Variants in REEP1 observed in about 807,000 individuals in gnomAD.
REEP1 encodes receptor accessory protein 1.
In REEP1, 22 loss-of-function variants were observed where a neutral mutation model predicts 40.3. The observed-to-expected ratio is 0.55, with a 90% CI of 0.39 to 0.78. REEP1 has a LOEUF of 0.78. Ranked by LOEUF, REEP1 falls within the 30% of genes least tolerant of loss-of-function variation. The pLI, the probability that REEP1 is intolerant of heterozygous loss-of-function variation, is 0.00. For missense variants in REEP1, 280 were observed against 361.1 expected (o/e 0.78, Z 1.82); for synonymous variants, 116 against 139.2 (o/e 0.83, Z 1.17).
intron 2 of REEP1, among the ~76,000 whole-genome samples, chr2:86,274,728 A>T (rs1417939792): frequency 2.6e-5 from 4 of 152,158 alleles, no homozygotes; most frequent in Non-Finnish European, 5.9e-5. Flanking sequence ...TTTGAGAGGT[A>T]ATATTCAGGA....
At chr2:86,289,925 T>C (rs1336822105) in intron 1 of REEP1, among the ~76,000 whole-genome samples, 1 of 152,154 alleles carries the variant, frequency 6.6e-6, no homozygotes, top group Non-Finnish European at 1.5e-5. Flanking sequence ...GAGTCTCAAA[T>C]GCATTATGGT....
chr2:86,247,076 G>A (rs1676009623), intron 5 of REEP1, among the ~76,000 whole-genome samples: 1 of 151,678 alleles, frequency 6.6e-6, no homozygotes, highest in African/African-American at 2.4e-5. Context: ...TTTTTTAAGA[G>A]AGAGACTTTT....
At chr2:86,324,706 C>T (rs1369866957) in intron 1 of REEP1, among the ~76,000 whole-genome samples, 1 of 152,102 alleles carries the variant, frequency 6.6e-6, no homozygotes, top group Non-Finnish European at 1.5e-5. Context: ...GATAGGCCCC[C>T]TTTTCTATGG....
intron 2 of REEP1, among the ~76,000 whole-genome samples, chr2:86,274,668 G>T (rs1440037346): frequency 2.6e-5 from 4 of 152,178 alleles, no homozygotes; most frequent in African/African-American, 9.7e-5. Flanking sequence ...ATAGGGATGA[G>T]GAGCCTGGGT....
intron 5 of REEP1, among the ~76,000 whole-genome samples, chr2:86,241,076 G>A (rs1675641110): frequency 6.6e-6 from 1 of 152,212 alleles, no homozygotes; most frequent in African/African-American, 2.4e-5. Context: ...GGCCATCTGA[G>A]CCAGGCCCTT....
intron 3 of REEP1, among the ~76,000 whole-genome samples, chr2:86,262,472 G>C (rs1403132054): frequency 6.6e-6 from 1 of 152,226 alleles, no homozygotes; most frequent in African/African-American, 2.4e-5. Flanking sequence ...CTTCACTACA[G>C]CTTGAGGCTA....
intron 1 of REEP1, among the ~76,000 whole-genome samples, chr2:86,304,982 C>T (rs1259152869): frequency 6.6e-6 from 1 of 152,034 alleles, no homozygotes; most frequent in Non-Finnish European, 1.5e-5. Context: ...ACACTTCATG[C>T]TAAGACAGAC....
At chr2:86,278,955 A>T (rs1191779266) in intron 2 of REEP1, among the ~76,000 whole-genome samples, 1 of 152,218 alleles carries the variant, frequency 6.6e-6, no homozygotes, top group Non-Finnish European at 1.5e-5. Context: ...GAAAGACATA[A>T]GCAGCTATAA....
chr2:86,254,856 G>A, intron 3 of REEP1, 42 bp from the exon 4 acceptor site: 1 of 1,609,250 alleles, frequency 6.2e-7, no homozygotes, highest in Non-Finnish European at 8.5e-7. Context: ...TAGGTTCTCA[G>A]CAACACTGCC....
At chr2:86,245,819 C>T (rs1028078000) in intron 5 of REEP1, among the ~76,000 whole-genome samples, 1 of 150,076 alleles carries the variant, frequency 6.7e-6, no homozygotes, top group African/African-American at 2.5e-5. Context: ...GGCTGGAGTG[C>T]AGTGGTGCTA....
intron 1 of REEP1, among the ~76,000 whole-genome samples, chr2:86,295,784 C>A (rs578259752): frequency 6.6e-6 from 1 of 152,316 alleles, no homozygotes. Flanking sequence ...CGTGATCCGC[C>A]CGCCTTGGCC....
chr2:86,327,857 G>T (rs978852037), intron 1 of REEP1, among the ~76,000 whole-genome samples: 9 of 152,122 alleles, frequency 5.9e-5, no homozygotes, highest in African/African-American at 2.2e-4. Flanking sequence ...ATGAGCCACC[G>T]TGCCTGGCCC....
At chr2:86,218,968 G>A (rs556289872) in intron 8 of REEP1, among the ~76,000 whole-genome samples, 1 of 152,336 alleles carries the variant, frequency 6.6e-6, no homozygotes, top group South Asian at 2.1e-4. Flanking sequence ...GTGATACTCA[G>A]CAGATGGGGA....
intron 2 of REEP1, among the ~76,000 whole-genome samples, chr2:86,272,400 G>A (rs1677508954): frequency 6.6e-6 from 1 of 152,196 alleles, no homozygotes; most frequent in Admixed American, 6.5e-5. Flanking sequence ...TCAAGGAAGT[G>A]TAAGAAACCT....
intron 1 of REEP1, among the ~76,000 whole-genome samples, chr2:86,326,743 A>C (rs1680529352): frequency 6.6e-6 from 1 of 152,030 alleles, no homozygotes; most frequent in Non-Finnish European, 1.5e-5. Flanking sequence ...AAAATCATAA[A>C]GTTTTAGGGT....
At chr2:86,236,393 G>A (rs1007274883) in intron 5 of REEP1, among the ~76,000 whole-genome samples, 2 of 152,118 alleles carry the variant, frequency 1.3e-5, no homozygotes, top group Admixed American at 6.5e-5. Context: ...GAAGAACCAC[G>A]AGTTGTTCAT....
At position 86,337,295 on chromosome 2, in the gene REEP1, G is replaced by A. The variant is rs13024060; in HGVS notation, c.32+184C>T. ...GGCGCCGGCTGCCTCCTGGGCAGCAGCCGCGTCCTGCGCCGCCCGTCCGCC... is the reference window on the plus strand; with the variant it reads ...GGCGCCGGCTGCCTCCTGGGCAGCAACCGCGTCCTGCGCCGCCCGTCCGCC... On this transcript the variant is annotated intron_variant, in intron 1 of 8. Coordinates refer to ENST00000538924, the MANE Select transcript of REEP1 (RefSeq NM_001371279.1). The surrounding 1 kb of genome is among the most constrained non-coding windows in gnomAD (Gnocchi z 5.8). The A allele has an allele frequency of 6.2e-6, 2 of 324,980 alleles. No individual in the cohort carries two copies. Among genetic ancestry groups the A allele is most frequent in the Non-Finnish European group, 5.3e-6 (1 of 189,350 alleles). The allele number at this position is 324,980 out of a possible 1,614,324, so 20.1% of individuals were successfully genotyped here.
chr2:86,295,688 C>T (rs1021616544), intron 1 of REEP1, among the ~76,000 whole-genome samples: 79 of 152,092 alleles, frequency 5.2e-4, no homozygotes, highest in African/African-American at 1.9e-3. Flanking sequence ...TACAGGCGCC[C>T]ACCACCACGC....
At chr2:86,234,254 A>G (rs1395278300) in intron 5 of REEP1, among the ~76,000 whole-genome samples, 4 of 152,146 alleles carry the variant, frequency 2.6e-5, no homozygotes, top group Admixed American at 2.0e-4. Flanking sequence ...GTGGTGGCTC[A>G]TGCCTGTAAT....
Sources: allele counts gnomAD v4.1 joint callset (sites outside exome capture counted in the v4.1 genomes callset), GRCh38; gene constraint gnomAD v4.1.1; non-coding constraint Gnocchi (gnomAD v3.1); transcripts MANE v1.5; gene names NCBI Gene and HGNC (gene_info 2026-07-23, HGNC 2026-07-21).